Variants in RYR3 observed in about 807,000 individuals in gnomAD.
RYR3 encodes ryanodine receptor 3.
A neutral mutation model predicts 584.3 loss-of-function variants in RYR3; 207 were observed. The observed-to-expected ratio is 0.35, with a 90% confidence interval of 0.32 to 0.40. RYR3 has a LOEUF of 0.40. Ranked by LOEUF, RYR3 falls within the 10% of genes least tolerant of loss-of-function variation. The probability of loss-of-function intolerance (pLI) is 1.00; values close to 1 mark genes in which losing one functional copy is unlikely to be tolerated. For synonymous variants in RYR3, 2,416 were observed against 2,248.5 expected, an observed-to-expected ratio of 1.07 and a Z score of -2.11; for missense variants, 5,616 against 6,089.2, an observed-to-expected ratio of 0.92 and a Z score of 2.59.
At chr15:33,314,952 C>A (rs527928790) in intron 1 of RYR3, among the ~76,000 whole-genome samples, 61 of 144,068 alleles carry the variant, frequency 4.2e-4, no homozygotes, top group African/African-American at 1.6e-3. Context: ...CAAAAAAAAA[C>A]AACAACAACA....
At chr15:33,462,684 C>G (rs995977929) in intron 1 of RYR3, among the ~76,000 whole-genome samples, 5 of 152,050 alleles carry the variant, frequency 3.3e-5, no homozygotes, top group Non-Finnish European at 7.4e-5. Context: ...GATCTGATAA[C>G]ATACAAACAC....
intron 20 of RYR3, among the ~76,000 whole-genome samples, chr15:33,626,470 C>T (rs923264481): frequency 2.0e-5 from 3 of 152,072 alleles, no homozygotes; most frequent in Non-Finnish European, 2.9e-5. Context: ...CCTAACGATG[C>T]AATAGAAAAG....
intron 1 of RYR3, among the ~76,000 whole-genome samples, chr15:33,343,970 G>T (rs936792564): frequency 2.0e-5 from 3 of 152,186 alleles, no homozygotes; most frequent in Non-Finnish European, 4.4e-5. Context: ...AAAGATGGCA[G>T]CTTCTAGCAA....
intron 3 of RYR3, among the ~76,000 whole-genome samples, chr15:33,523,927 G>A (rs1026781071): frequency 1.4e-4 from 21 of 152,136 alleles, no homozygotes; most frequent in African/African-American, 4.6e-4. Flanking sequence ...AAAGACTCTG[G>A]AGTCAGTGTC....
At chr15:33,620,233 T>C (rs993743839) in intron 19 of RYR3, among the ~76,000 whole-genome samples, 1 of 152,148 alleles carries the variant, frequency 6.6e-6, no homozygotes, top group African/African-American at 2.4e-5. Context: ...GTCAGCTCTA[T>C]CACCAGGAAA....
chr15:33,807,844 C>T (rs925943990), intron 70 of RYR3: 2 of 506,618 alleles, frequency 3.9e-6, no homozygotes, highest in Admixed American at 3.2e-5. Flanking sequence ...GCCCTCTCGG[C>T]AGCCACCACA....
At chr15:33,667,745 G>T (rs1053548318) in intron 36 of RYR3, among the ~76,000 whole-genome samples, 3 of 152,074 alleles carry the variant, frequency 2.0e-5, no homozygotes, top group Admixed American at 6.6e-5. Context: ...TGTCAGAGGG[G>T]TCCATAGCAC....
intron 1 of RYR3, among the ~76,000 whole-genome samples, chr15:33,351,684 A>C (rs545602172): frequency 6.6e-6 from 1 of 151,320 alleles, no homozygotes; most frequent in African/African-American, 2.4e-5. Context: ...ATAGATGCAG[A>C]AAAGGCCTTT....
At chr15:33,845,296 A>C (rs2078649576) in intron 93 of RYR3, among the ~76,000 whole-genome samples, 1 of 152,152 alleles carries the variant, frequency 6.6e-6, no homozygotes, top group Non-Finnish European at 1.5e-5. Context: ...CTTGTCTCGC[A>C]GGCTGGAGTG....
At chr15:33,802,049 A>C in intron 69 of RYR3, 88 bp downstream of exon 69, 1 of 845,252 alleles carries the variant, frequency 1.2e-6, no homozygotes, top group Non-Finnish European at 2.1e-6. Flanking sequence ...GGGGATTAAC[A>C]CCGTACTGCA....
Position 33,700,988 on chromosome 15 carries a change from A to T in RYR3, c.6391A>T (p.Met2131Leu), listed in dbSNP as rs980823371. The T allele has an allele frequency of 3.7e-6, 6 of 1,612,450 alleles. No individual in the cohort carries two copies. In the Admixed American group the frequency reaches 8.3e-5, roughly 22 times the overall value. Residue 2131 changes from methionine to leucine, a missense_variant, in exon 42 of 104, where the codon ATG (methionine) becomes TTG (leucine). Transcript: ENST00000634891. ...CCCTCCTCCCTCAGCCTCCCCGTCG[A>T]TGAGGGGATCCACCCCGCTGGATGT... ...NSSVGLASPS[M>L]RGSTPLDVAA...
intron 60 of RYR3, 55 bp from the exon 61 acceptor site, chr15:33,768,603 A>G: frequency 1.3e-6 from 2 of 1,515,024 alleles, no homozygotes; most frequent in Admixed American, 1.7e-5. Context: ...GGGGATACAA[A>G]GCGTGAGTCC....
At chr15:33,453,470 G>A (rs576305537) in intron 1 of RYR3, among the ~76,000 whole-genome samples, 1 of 152,254 alleles carries the variant, frequency 6.6e-6, no homozygotes, top group South Asian at 2.1e-4. Context: ...GGGTGAGAAA[G>A]TCTTATATAT....
Position 33,662,192 on chromosome 15 carries a change from G to A in RYR3, c.4662G>A (p.Leu1554=). ...DILELCEQED[L]MRFHYHTLRL... The stretch of plus-strand genomic sequence containing the variant: ...TGGAGCTCTGTGAGCAGGAGGACCT[G>A]ATGCGGTTCCATTACCACACGCTGA... Residue 1554 remains leucine, a synonymous_variant, in exon 35 of 104, where the codon CTG becomes CTA. Coordinates refer to ENST00000634891, the MANE Select transcript of RYR3 (RefSeq NM_001036.6). The A allele has an allele frequency of 1.2e-6, 2 of 1,606,690 alleles. No homozygotes were observed. The highest frequency in any genetic ancestry group is 1.3e-5 in the African/African-American group (1 of 74,936).
chr15:33,621,341 G>T (rs957485794), intron 19 of RYR3, among the ~76,000 whole-genome samples: 4 of 152,234 alleles, frequency 2.6e-5, no homozygotes, highest in Non-Finnish European at 5.9e-5. Context: ...TGAGAAGAGA[G>T]AGGCAGAAAA....
At chr15:33,514,791 G>A (rs2053356065) in intron 3 of RYR3, among the ~76,000 whole-genome samples, 1 of 151,986 alleles carries the variant, frequency 6.6e-6, no homozygotes, top group African/African-American at 2.4e-5. Context: ...CACGAGGTCA[G>A]GAGATCGAGA....
intron 1 of RYR3, among the ~76,000 whole-genome samples, chr15:33,450,487 G>A (rs1247846387): frequency 6.6e-6 from 1 of 152,098 alleles, no homozygotes; most frequent in East Asian, 1.9e-4. Context: ...CCACACAGCA[G>A]TTTACAGAGC....
intron 91 of RYR3, 24 bp downstream of exon 91, chr15:33,842,059 G>T: frequency 6.3e-7 from 1 of 1,585,838 alleles, no homozygotes; most frequent in Admixed American, 1.8e-5. Flanking sequence ...CCTTGGCCCT[G>T]TTCATGGTGC....
At chr15:33,429,049 G>A (rs2141701762) in intron 1 of RYR3, among the ~76,000 whole-genome samples, 1 of 152,274 alleles carries the variant, frequency 6.6e-6, no homozygotes, top group African/African-American at 2.4e-5. Flanking sequence ...ACGACACTTT[G>A]TTTAGTGGGC....
Sources: gnomAD v4.1 joint callset for allele counts (sites outside exome capture counted in the v4.1 genomes callset) on GRCh38, gnomAD v4.1.1 for gene constraint, MANE v1.5 for transcripts, NCBI Gene and HGNC (gene_info 2026-07-23, HGNC 2026-07-21) for gene names.